TAFA1: variants seen among roughly 807,000 people sequenced by gnomAD.
TAFA1 encodes the protein TAFA chemokine like family member 1, also known as chemokine-like protein TAFA-1.
In TAFA1, 4 loss-of-function variants were observed where a neutral mutation model predicts 18.5. The observed-to-expected ratio is 0.22, with a 90% CI of 0.11 to 0.49. The LOEUF (loss-of-function observed/expected upper bound fraction) is 0.49, where lower values mean the gene tolerates loss of function less well. Among genes scored for constraint, TAFA1 ranks in the 20% least tolerant of loss-of-function variants. The probability of loss-of-function intolerance (pLI) is 0.98; values close to 1 mark genes in which losing one functional copy is unlikely to be tolerated. For synonymous variants in TAFA1, 56 were observed against 55.2 expected, an observed-to-expected ratio of 1.01 and a Z score of -0.06; for missense variants, 147 against 169.0, an observed-to-expected ratio of 0.87 and a Z score of 0.72.
At chr3:68,117,603 G>A (rs1177527191) in intron 2 of TAFA1, among the ~76,000 whole-genome samples, 6 of 152,258 alleles carry the variant, frequency 3.9e-5, no homozygotes, top group East Asian at 3.9e-4. Context: ...GCAAATGAGA[G>A]TTTCACAGTC....
intron 2 of TAFA1, among the ~76,000 whole-genome samples, chr3:68,351,736 A>G (rs2069274571): frequency 6.6e-6 from 1 of 152,014 alleles, no homozygotes; most frequent in South Asian, 2.1e-4. Flanking sequence ...CAAGCTTGTT[A>G]ATGTGGATTC....
chr3:68,500,933 A>G (rs1194042807), intron 3 of TAFA1, among the ~76,000 whole-genome samples: 1 of 151,986 alleles, frequency 6.6e-6, no homozygotes, highest in Non-Finnish European at 1.5e-5. Flanking sequence ...TGGGAGCCTG[A>G]GGTGAGTAAA....
intron 2 of TAFA1, among the ~76,000 whole-genome samples, chr3:68,138,405 T>C (rs1431549601): frequency 2.6e-5 from 4 of 152,204 alleles, no homozygotes; most frequent in African/African-American, 4.8e-5. Context: ...AGTAACATAT[T>C]GTACATCAGG....
chr3:68,150,822 A>G (rs1250518865), intron 2 of TAFA1, among the ~76,000 whole-genome samples: 8 of 152,174 alleles, frequency 5.3e-5, no homozygotes, highest in Admixed American at 5.2e-4. Context: ...CTTTTAAAAA[A>G]CAAGATCTTC....
chr3:68,121,751 C>T (rs1469822925), intron 2 of TAFA1, among the ~76,000 whole-genome samples: 1 of 152,124 alleles, frequency 6.6e-6, no homozygotes, highest in Non-Finnish European at 1.5e-5. Flanking sequence ...CAAAACGTAG[C>T]ATACACTGCC....
chr3:68,043,061 T>A (rs554730567), intron 2 of TAFA1, among the ~76,000 whole-genome samples: 1 of 152,222 alleles, frequency 6.6e-6, no homozygotes, highest in East Asian at 1.9e-4. Context: ...ATTTTTGTAT[T>A]TTTAGTAGAG....
chr3:68,532,290 C>A (rs2073199216), intron 3 of TAFA1, among the ~76,000 whole-genome samples: 1 of 152,120 alleles, frequency 6.6e-6, no homozygotes, highest in Non-Finnish European at 1.5e-5. Flanking sequence ...AGAGGCAAAA[C>A]CTGGCAAAGA....
chr3:68,398,509 C>A (rs2070428963), intron 2 of TAFA1, among the ~76,000 whole-genome samples: 1 of 152,110 alleles, frequency 6.6e-6, no homozygotes, highest in Admixed American at 6.6e-5. Flanking sequence ...CTGGAGCTAG[C>A]ATCCCTTCAA....
At chr3:68,445,871 T>A (rs1455560762) in intron 3 of TAFA1, among the ~76,000 whole-genome samples, 1 of 152,164 alleles carries the variant, frequency 6.6e-6, no homozygotes, top group East Asian at 1.9e-4. Flanking sequence ...CTATCTGGCC[T>A]AACATTTGTT....
chr3:68,495,367 T>C (rs2106691665), intron 3 of TAFA1, among the ~76,000 whole-genome samples: 1 of 152,352 alleles, frequency 6.6e-6, no homozygotes, highest in South Asian at 2.1e-4. Flanking sequence ...TTTTGCAGGT[T>C]GGCAAAATCA....
Position 68,262,332 on chromosome 3 carries a change from TA to T in TAFA1, c.119-154947del, listed in dbSNP as rs1559585874. On this transcript the variant is annotated intron_variant, in intron 2 of 4. Coordinates refer to ENST00000478136, the MANE Select transcript of TAFA1 (RefSeq NM_213609.4). ...GTATATATATATATATATATATATA[TA>T]TATATATATATATATATATATATAT... Among the ~76,000 whole-genome samples the T allele has an allele frequency of 3.0e-3, 255 of 86,348 alleles. 12 individuals carry two copies. The highest frequency in any genetic ancestry group is 0.01 in the African/African-American group (233 of 22,194). 56.6% of individuals were successfully genotyped at this position (86,348 alleles called of 152,430 possible). A position where few individuals can be genotyped will look rare whatever the true frequency, so the allele number is the denominator to read the frequency against.
chr3:68,021,800 C>T (rs1416392973), intron 2 of TAFA1, among the ~76,000 whole-genome samples: 1 of 152,076 alleles, frequency 6.6e-6, no homozygotes, highest in African/African-American at 2.4e-5. Context: ...TAGTTAAAAC[C>T]ATGGTTTAAA....
intron 2 of TAFA1, among the ~76,000 whole-genome samples, chr3:68,389,850 A>G (rs2070189568): frequency 6.6e-6 from 1 of 152,150 alleles, no homozygotes; most frequent in African/African-American, 2.4e-5. Context: ...CGCTTTTCCC[A>G]AAGTCTTTGC....
intron 2 of TAFA1, among the ~76,000 whole-genome samples, chr3:68,026,030 T>C (rs568688006): frequency 2.0e-5 from 3 of 152,158 alleles, no homozygotes; most frequent in Non-Finnish European, 4.4e-5. Context: ...ATTTGCTGAC[T>C]AAATGAATGA....
intron 3 of TAFA1, among the ~76,000 whole-genome samples, chr3:68,453,927 A>C (rs1359201880): frequency 1.3e-5 from 2 of 151,924 alleles, no homozygotes; most frequent in African/African-American, 4.8e-5. Context: ...TCTGAACTTC[A>C]CTCTCGGGTG....
intron 2 of TAFA1, among the ~76,000 whole-genome samples, chr3:68,065,740 G>GTA (rs60396289): frequency 0.025 from 3,367 of 133,300 alleles, 65 homozygotes; most frequent in East Asian, 0.12. Context: ...GTGTGTGTGT[G>GTA]TATATATATA....
chr3:68,463,412 A>G (rs1405302643), intron 3 of TAFA1, among the ~76,000 whole-genome samples: 1 of 152,196 alleles, frequency 6.6e-6, no homozygotes, highest in African/African-American at 2.4e-5. Context: ...TAAGGTTTTC[A>G]TCAAAAAGTT....
rs77461133 is a variant in TAFA1 at position 68,163,775 on chromosome 3, G to C, written c.118+157031G>C. On this transcript the variant is annotated intron_variant, in intron 2 of 4. Coordinates refer to ENST00000478136, the MANE Select transcript of TAFA1 (RefSeq NM_213609.4). ...TTCTGATGGATGAACTAATTAAAGA[G>C]ACTTAATTTTTAACTAATAAACTGG... 4.6e-3 allele frequency among the ~76,000 whole-genome samples: 707 copies of C among 152,232 alleles called. 28 individuals carry two copies. The East Asian group carries it at 0.091, about 20-fold the overall frequency.
At chr3:68,458,175 A>C (rs1382368136) in intron 3 of TAFA1, among the ~76,000 whole-genome samples, 2 of 151,992 alleles carry the variant, frequency 1.3e-5, no homozygotes, top group Non-Finnish European at 2.9e-5. Flanking sequence ...GGTTGTTTAA[A>C]AGTATGTAGC....
Sources: gnomAD v4.1 joint callset for allele counts (sites outside exome capture counted in the v4.1 genomes callset) on GRCh38, gnomAD v4.1.1 for gene constraint, MANE v1.5 for transcripts, NCBI Gene and HGNC (gene_info 2026-07-23, HGNC 2026-07-21) for gene names.